The following HSD17B11 variants were observed in gnomAD, a reference collection of about 807,000 sequenced individuals.
HSD17B11 encodes hydroxysteroid 17-beta dehydrogenase 11.
A neutral mutation model predicts 27.8 loss-of-function variants in HSD17B11; 22 were observed. That is an observed-to-expected ratio of 0.79 (90% CI 0.56 to 1.13). The LOEUF (loss-of-function observed/expected upper bound fraction) is 1.13. Among genes scored for constraint, HSD17B11 ranks in the 50% most tolerant of loss-of-function variants. The pLI is 0.00. For missense variants in HSD17B11, 314 were observed against 351.1 expected (o/e 0.89, Z 0.84); for synonymous variants, 117 against 132.8 (o/e 0.88, Z 0.82).
In HSD17B11 at chr4:87,379,263, T is replaced by C. The variant is rs554871440; in HGVS notation, c.318+2992A>G. The stretch of plus-strand genomic sequence containing the variant: ...ATCCACCCACCTCGGCCTCCCAAAG[T>C]GCTGGGATTCTAGGCATAAGCCACG... On this transcript the variant is annotated intron_variant, in intron 2 of 6. Coordinates refer to ENST00000358290, the MANE Select transcript of HSD17B11 (RefSeq NM_016245.5). 9.4e-4 allele frequency among the ~76,000 whole-genome samples: 142 copies of C among 150,546 alleles called. 3 individuals are homozygous for C. The South Asian group carries it at 0.028, about 30-fold the overall frequency.
intron 4 of HSD17B11, among the ~76,000 whole-genome samples, chr4:87,370,815 C>T (rs1456249216): frequency 2.9e-5 from 3 of 103,250 alleles, no homozygotes; most frequent in African/African-American, 1.0e-4. Flanking sequence ...TGTAGTGGCG[C>T]GATCTCGGCT....
intron 2 of HSD17B11, among the ~76,000 whole-genome samples, chr4:87,380,863 C>CAAAAAAA (rs561938045): frequency 3.6e-4 from 27 of 74,724 alleles, no homozygotes; most frequent in African/African-American, 1.5e-3. Context: ...GACTCTATCT[C>CAAAAAAA]AAAAAAAAAA....
intron 3 of HSD17B11, among the ~76,000 whole-genome samples, chr4:87,373,727 A>G (rs1735766115): frequency 6.6e-6 from 1 of 151,934 alleles, no homozygotes; most frequent in South Asian, 2.1e-4. Context: ...ACAAAAAAAG[A>G]GACAGTAACC....
rs183373437 is a variant in HSD17B11, at chr4:87,381,940, T to C, written c.318+315A>G. 1.6e-3 allele frequency among the ~76,000 whole-genome samples: 248 copies of C among 152,214 alleles called. 2 individuals carry two copies. Among genetic ancestry groups the C allele is most frequent in the South Asian group, 0.015 (71 of 4,812 alleles). ...ACCTATATGAGCATCATGGGTGAGA[T>C]GAAGGCGCATGGGAGGCAGGGTGGA... On this transcript the variant is annotated intron_variant, in intron 2 of 6. Coordinates refer to ENST00000358290, the MANE Select transcript of HSD17B11 (RefSeq NM_016245.5).
At chr4:87,357,183 T>C in intron 5 of HSD17B11, 96 bp downstream of exon 5, 2 of 1,222,858 alleles carry the variant, frequency 1.6e-6, no homozygotes, top group South Asian at 1.4e-5. Context: ...GCTTTAACTA[T>C]CAGGTGTTTT....
intron 4 of HSD17B11, among the ~76,000 whole-genome samples, chr4:87,367,179 A>G (rs1411453757): frequency 6.6e-6 from 1 of 152,212 alleles, no homozygotes; most frequent in Non-Finnish European, 1.5e-5. Context: ...ACACTATTGG[A>G]GAAATTGGTT....
At position 87,370,755 on chromosome 4, in the gene HSD17B11, A is replaced by ATTATTATTATTATTAT. The variant is rs70957229; in HGVS notation, c.557+1953_557+1954insATAATAATAATAATAA. On this transcript the variant is annotated intron_variant, in intron 4 of 6. Coordinates refer to ENST00000358290, the MANE Select transcript of HSD17B11 (RefSeq NM_016245.5). ...TATTATTATTATTATTATTATTATT[A>ATTATTATTATTATTAT]TTTTTTTTTTTTTTTGAGACGGAGT... is the stretch of plus-strand genomic sequence containing the variant. Among the ~76,000 whole-genome samples the ATTATTATTATTATTAT allele has an allele frequency of 5.2e-5, 3 of 57,520 alleles. 1 individual carries two copies. The highest frequency in any genetic ancestry group is 4.1e-4 in the East Asian group (1 of 2,438). The allele number at this position is 57,520 out of a possible 152,430, so 37.7% of individuals were successfully genotyped here.
intron 4 of HSD17B11, among the ~76,000 whole-genome samples, chr4:87,361,565 A>G (rs887443486): frequency 1.3e-5 from 2 of 152,226 alleles, no homozygotes; most frequent in African/African-American, 2.4e-5. Context: ...CAGGAGATCG[A>G]GACCATCCTG....
intron 2 of HSD17B11, among the ~76,000 whole-genome samples, chr4:87,378,881 AATAT>A (rs56858153): frequency 0.028 from 413 of 14,812 alleles, 22 homozygotes; most frequent in Non-Finnish European, 0.037. Context: ...TATATATATA[AATAT>A]ATATATATAA....
At position 87,374,707 on chromosome 4, in the gene HSD17B11, G is replaced by T; in HGVS notation, c.442C>A (p.His148Asn). ...EKTFEVNVLA[H>N]FWTTKAFLPA... Reference sequence around the variant, plus strand: ...AAAGAAGCCATACTCACCCAGAAATGTGCAAGTACATTAACTTCAAAAGTC... The same window carrying T: ...AAAGAAGCCATACTCACCCAGAAATTTGCAAGTACATTAACTTCAAAAGTC... The change falls in exon 3 of 7, where the codon CAT becomes AAT. Residue 148 changes from histidine (H) to asparagine (N), a missense_variant. Transcript: ENST00000358290. 6.2e-7 allele frequency: 1 copy of T among 1,600,606 alleles called. No homozygotes were observed. Among genetic ancestry groups the T allele is most frequent in the Non-Finnish European group, 8.5e-7 (1 of 1,176,926 alleles).
chr4:87,358,107 G>A (rs1456414333), intron 4 of HSD17B11, among the ~76,000 whole-genome samples: 1 of 151,570 alleles, frequency 6.6e-6, no homozygotes, highest in Non-Finnish European at 1.5e-5. Flanking sequence ...GACTACAGGC[G>A]CCCGCCACCA....
intron 1 of HSD17B11, among the ~76,000 whole-genome samples, chr4:87,385,314 A>C (rs1578048708): frequency 6.6e-6 from 1 of 152,340 alleles, no homozygotes; most frequent in East Asian, 1.9e-4. Flanking sequence ...CAAATGAAAT[A>C]AGCCAGACAC....
Position 87,336,949 on chromosome 4 carries a change from T to C in HSD17B11, c.*327A>G, listed in dbSNP as rs1193246461. On this transcript the variant is annotated 3_prime_UTR_variant, in exon 7 of 7. Transcript: ENST00000358290. Reference sequence around the variant, plus strand: ...AAGTGCAATCAAAAATAAAAATATATGTTAAATAAACGGTTATGGTACAAA... The same window carrying C: ...AAGTGCAATCAAAAATAAAAATATACGTTAAATAAACGGTTATGGTACAAA... 1.4e-5 allele frequency: 3 copies of C among 207,996 alleles called. No individual in the cohort carries two copies. Among genetic ancestry groups the C allele is most frequent in the Non-Finnish European group, 1.9e-5 (2 of 105,860 alleles). The allele number at this position is 207,996 out of a possible 1,614,324, so 12.9% of individuals were successfully genotyped here.
intron 5 of HSD17B11, among the ~76,000 whole-genome samples, chr4:87,346,337 ATAG>A (rs1447198024): frequency 6.6e-6 from 1 of 152,224 alleles, no homozygotes. Flanking sequence ...AGTAGCAAAG[ATAG>A]TAGGATTTAT....
intron 4 of HSD17B11, among the ~76,000 whole-genome samples, chr4:87,359,337 G>T (rs1022859947): frequency 1.3e-5 from 2 of 152,212 alleles, no homozygotes; most frequent in Non-Finnish European, 2.9e-5. Flanking sequence ...ATTACTAAGT[G>T]CTAGACATTG....
intron 4 of HSD17B11, among the ~76,000 whole-genome samples, chr4:87,362,944 T>A (rs6531981): frequency 0.38 from 58,304 of 151,898 alleles, 12,412 homozygotes; most frequent in African/African-American, 0.58. Context: ...CTTTTCTATT[T>A]CTCAGGGCGA....
Position 87,384,874 on chromosome 4 carries a change from C to T in HSD17B11, c.211-2512G>A, listed in dbSNP as rs1231884284. Among the ~76,000 whole-genome samples the T allele has an allele frequency of 2.0e-5, 3 of 152,020 alleles. No homozygotes were observed. In the East Asian group the frequency reaches 5.8e-4, roughly 29 times the overall value. On this transcript the variant is annotated intron_variant, in intron 1 of 6. Coordinates refer to ENST00000358290, the MANE Select transcript of HSD17B11 (RefSeq NM_016245.5). The stretch of plus-strand genomic sequence containing the variant: ...CTACTCCCTGTTCTTACACCCCCAC[C>T]CCTTTTGAAACTCTTAATAAAAACT...
chr4:87,387,741 A>G (rs1011117358), intron 1 of HSD17B11, among the ~76,000 whole-genome samples: 6 of 152,204 alleles, frequency 3.9e-5, no homozygotes, highest in African/African-American at 1.4e-4. Context: ...TTACCCACAA[A>G]AAGTAGGAAG....
intron 5 of HSD17B11, among the ~76,000 whole-genome samples, chr4:87,346,883 A>G (rs115516242): frequency 0.02 from 3,098 of 151,866 alleles, 90 homozygotes; most frequent in African/African-American, 0.071. Context: ...AAATATATAT[A>G]TGTATATTTT....
Sources: gnomAD v4.1 joint callset for allele counts (sites outside exome capture counted in the v4.1 genomes callset) on GRCh38, gnomAD v4.1.1 for gene constraint, MANE v1.5 for transcripts, NCBI Gene and HGNC (gene_info 2026-07-23, HGNC 2026-07-21) for gene names.